SKIC3: variants seen among roughly 807,000 people sequenced by gnomAD.
The protein encoded by SKIC3 is SKI3 subunit of superkiller complex, also known as superkiller complex protein 3.
At chr5:95,469,753 T>C in the SKIC3 span, 3 of 1,613,434 alleles carry the variant, frequency 1.9e-6, no homozygotes, top group East Asian at 2.2e-5. Flanking sequence ...GAAGCATTTA[T>C]AAGAAAAAGA....
At chr5:95,481,369 C>T in the SKIC3 span, among the ~76,000 whole-genome samples, 11 of 152,154 alleles carry the variant, frequency 7.2e-5, no homozygotes, top group East Asian at 3.9e-4. Flanking sequence ...TCTTGTCTGC[C>T]GCCATGTGAG....
the SKIC3 span, among the ~76,000 whole-genome samples, chr5:95,507,569 G>C: frequency 3.4e-4 from 52 of 152,202 alleles, 1 homozygote; most frequent in Middle Eastern, 3.4e-3. Context: ...ATGTCTTAAC[G>C]ACTAAAAAGA....
At chr5:95,486,247 A>G in the SKIC3 span, among the ~76,000 whole-genome samples, 2 of 152,218 alleles carry the variant, frequency 1.3e-5, no homozygotes, top group East Asian at 3.9e-4. Flanking sequence ...CCCCACTGAT[A>G]TTCCCTGCCC....
chr5:95,480,314 A>G, the SKIC3 span, among the ~76,000 whole-genome samples: 1 of 152,108 alleles, frequency 6.6e-6, no homozygotes, highest in Admixed American at 6.6e-5. Context: ...TTCAATAAAA[A>G]TATCCAAAAA....
At chr5:95,524,700 G>T in the SKIC3 span, 1 of 1,439,918 alleles carries the variant, frequency 6.9e-7, no homozygotes. Flanking sequence ...GTGATTCAGA[G>T]GTGCCAAATT....
At chr5:95,527,231 C>T in the SKIC3 span, among the ~76,000 whole-genome samples, 1 of 152,186 alleles carries the variant, frequency 6.6e-6, no homozygotes, top group Non-Finnish European at 1.5e-5. Context: ...GACCTGGACT[C>T]TGCTAGTTCT....
the SKIC3 span, among the ~76,000 whole-genome samples, chr5:95,521,665 T>G: frequency 3.3e-5 from 5 of 152,088 alleles, no homozygotes; most frequent in Admixed American, 3.3e-4. Context: ...GCAAGTTGTC[T>G]CTGAAGTTTA....
the SKIC3 span, among the ~76,000 whole-genome samples, chr5:95,483,172 C>T: frequency 6.6e-6 from 1 of 152,076 alleles, no homozygotes; most frequent in South Asian, 2.1e-4. Flanking sequence ...TCTTAAAATA[C>T]TTACCTACAT....
the SKIC3 span, among the ~76,000 whole-genome samples, chr5:95,547,311 C>A: frequency 1.3e-5 from 2 of 152,116 alleles, no homozygotes; most frequent in Non-Finnish European, 2.9e-5. Flanking sequence ...ATTCCTTAAC[C>A]TCTTCAGATC....
At chr5:95,487,524 C>T in the SKIC3 span, among the ~76,000 whole-genome samples, 1 of 152,168 alleles carries the variant, frequency 6.6e-6, no homozygotes, top group South Asian at 2.1e-4. Context: ...CCAGGCCCCA[C>T]CATAACTTCA....
the SKIC3 span, chr5:95,529,148 C>T: frequency 6.6e-7 from 1 of 1,507,102 alleles, no homozygotes; most frequent in East Asian, 2.3e-5. Context: ...TCTGTGACTA[C>T]ATAGATGAAC....
the SKIC3 span, chr5:95,469,675 T>C: frequency 1.3e-6 from 2 of 1,500,692 alleles, no homozygotes; most frequent in Non-Finnish European, 1.8e-6. Context: ...GTTTGTTAAA[T>C]TGGTCTGTTA....
chr5:95,540,071 C>A, the SKIC3 span, among the ~76,000 whole-genome samples: 1 of 152,046 alleles, frequency 6.6e-6, no homozygotes, highest in Non-Finnish European at 1.5e-5. Context: ...TAGACACAGA[C>A]ACACACATAC....
the SKIC3 span, chr5:95,517,121 T>C: frequency 6.2e-7 from 1 of 1,613,514 alleles, no homozygotes; most frequent in Admixed American, 1.7e-5. Context: ...TCAAATGTTA[T>C]TAACTGGCAA....
the SKIC3 span, chr5:95,484,981 ACCATAG>A: frequency 5.6e-6 from 5 of 896,304 alleles, no homozygotes; most frequent in Non-Finnish European, 8.9e-6. Context: ...TGCCACATGT[ACCATAG>A]ACTATCCTGA....
the SKIC3 span, among the ~76,000 whole-genome samples, chr5:95,520,157 C>G: frequency 6.6e-6 from 1 of 151,878 alleles, no homozygotes; most frequent in Admixed American, 6.6e-5. Context: ...TTTTTCTGAC[C>G]TAACCAATGA....
the SKIC3 span, chr5:95,467,744 T>C: frequency 1.4e-6 from 2 of 1,409,910 alleles, no homozygotes; most frequent in Admixed American, 4.8e-5. Flanking sequence ...ACTCAGTTTT[T>C]AAAAATTCAA....
At chr5:95,484,996 G>A in the SKIC3 span, 2 of 808,180 alleles carry the variant, frequency 2.5e-6, no homozygotes, top group Middle Eastern at 7.0e-4. Context: ...AGACTATCCT[G>A]ACAAGTGGCA....
At chr5:95,502,667 T>C in the SKIC3 span, among the ~76,000 whole-genome samples, 1 of 152,180 alleles carries the variant, frequency 6.6e-6, no homozygotes, top group Non-Finnish European at 1.5e-5. Flanking sequence ...AACAGAGTAA[T>C]GGACAGTTTC....
Sources: allele counts gnomAD v4.1 joint callset (sites outside exome capture counted in the v4.1 genomes callset), GRCh38; gene constraint gnomAD v4.1.1; transcripts MANE v1.5; gene names NCBI Gene and HGNC (gene_info 2026-07-23, HGNC 2026-07-21).